Variants in GLRA1 observed in about 807,000 individuals in gnomAD.
GLRA1 encodes glycine receptor alpha 1.
A neutral mutation model predicts 48.3 loss-of-function variants in GLRA1; 37 were observed. The ratio of observed to expected loss-of-function variants is 0.77; its 90% confidence interval spans 0.59 to 1.01. The LOEUF (loss-of-function observed/expected upper bound fraction) is 1.01, where lower values mean the gene tolerates loss of function less well. Ranked by LOEUF, GLRA1 falls within the 50% of genes least tolerant of loss-of-function variation. The pLI is 0.00. For synonymous variants in GLRA1, 196 were observed against 210.7 expected (o/e 0.93, Z 0.60); for missense variants, 427 against 571.0 (o/e 0.75, Z 2.57).
intron 4 of GLRA1, among the ~76,000 whole-genome samples, chr5:151,859,569 T>C (rs749365293): frequency 1.3e-5 from 2 of 152,228 alleles, no homozygotes; most frequent in Non-Finnish European, 2.9e-5. Context: ...TCCTTGGTTA[T>C]AATAAATCAT....
At chr5:151,862,171 G>T (rs1255444367) in intron 3 of GLRA1, among the ~76,000 whole-genome samples, 1 of 152,096 alleles carries the variant, frequency 6.6e-6, no homozygotes, top group African/African-American at 2.4e-5. Flanking sequence ...AGAAAAACAA[G>T]CAATGGGGAA....
At chr5:151,847,246 G>T (rs145761740) in intron 7 of GLRA1, among the ~76,000 whole-genome samples, 1 of 152,222 alleles carries the variant, frequency 6.6e-6, no homozygotes, top group South Asian at 2.1e-4. Flanking sequence ...CTATTGTTGA[G>T]TGAATAGAGC....
At chr5:151,880,752 T>TAAGTGA (rs1753740965) in intron 3 of GLRA1, among the ~76,000 whole-genome samples, 1 of 152,278 alleles carries the variant, frequency 6.6e-6, no homozygotes, top group African/African-American at 2.4e-5. Flanking sequence ...CTTGTATTCA[T>TAAGTGA]ATGCACACAC....
At chr5:151,905,987 C>T (rs1754465794) in intron 1 of GLRA1, among the ~76,000 whole-genome samples, 1 of 152,126 alleles carries the variant, frequency 6.6e-6, no homozygotes, top group African/African-American at 2.4e-5. Flanking sequence ...AAAGTACTTA[C>T]ATTTTGCAAG....
At chr5:151,861,913 A>C (rs926636973) in intron 3 of GLRA1, among the ~76,000 whole-genome samples, 1 of 152,234 alleles carries the variant, frequency 6.6e-6, no homozygotes, top group Admixed American at 6.5e-5. Context: ...CTTTCTTCAA[A>C]GAACTGGAAA....
intron 1 of GLRA1, among the ~76,000 whole-genome samples, chr5:151,900,903 G>A (rs1284303004): frequency 2.0e-5 from 3 of 152,156 alleles, no homozygotes; most frequent in Non-Finnish European, 2.9e-5. Context: ...CTGGCACATA[G>A]TCAGAGCTCA....
intron 3 of GLRA1, among the ~76,000 whole-genome samples, chr5:151,874,108 GTT>G (rs1753564252): frequency 6.6e-6 from 1 of 152,150 alleles, no homozygotes; most frequent in South Asian, 2.1e-4. Flanking sequence ...TATGTGAAGG[GTT>G]GTCAGTTGAT....
rs1190175196 is a variant in GLRA1 at position 151,849,152 on chromosome 5, CTTT to C, written c.912+2235_912+2237del. The C allele has an allele frequency of 8.3e-5, 11 of 132,510 alleles. 1 individual carries two copies. The highest frequency in any genetic ancestry group is 5.2e-4 in the African/African-American group (11 of 21,282). 8.2% of individuals were successfully genotyped at this position (132,510 alleles called of 1,614,324 possible). A position where few individuals can be genotyped will look rare whatever the true frequency, so the allele number is the denominator to read the frequency against. On this transcript the variant is annotated intron_variant, in intron 7 of 8. Coordinates refer to ENST00000274576, the MANE Select transcript of GLRA1 (RefSeq NM_000171.4). The stretch of plus-strand genomic sequence containing the variant: ...TCTTTCTTTCTTTCTTTCTTTCTTT[CTTT>C]TCTTTTCTTTTCTTTCTTTCTTTCT...
intron 1 of GLRA1, among the ~76,000 whole-genome samples, chr5:151,910,649 C>T (rs924833648): frequency 8.5e-5 from 13 of 152,154 alleles, no homozygotes; most frequent in Non-Finnish European, 1.3e-4. Context: ...AATCATTTTT[C>T]CCCTCAGGGT....
rs1465394950 is a variant in GLRA1 at position 151,924,755 on chromosome 5, T to G, written c.-206A>C. Reference sequence around the variant, plus strand: ...CGGACAGCGGCGGCTGCGAGGCGTTTCAGCACCACGGAGAGCGTCCAGACC... The same window carrying G: ...CGGACAGCGGCGGCTGCGAGGCGTTGCAGCACCACGGAGAGCGTCCAGACC... On this transcript the variant is annotated 5_prime_UTR_variant, in exon 1 of 9. Transcript: ENST00000274576. 1 of 642,900 alleles carries G rather than the reference T, an allele frequency of 1.6e-6. No homozygotes were observed. Among genetic ancestry groups the G allele is most frequent in the East Asian group, 2.7e-5 (1 of 36,534 alleles). 39.8% of individuals were successfully genotyped at this position (642,900 alleles called of 1,614,324 possible).
rs76436689 is a variant in GLRA1 at position 151,908,044 on chromosome 5, A to G, written c.57-15606T>C. Among the ~76,000 whole-genome samples the G allele has an allele frequency of 5.4e-3, 826 of 152,276 alleles. 9 individuals carry two copies. Among genetic ancestry groups the G allele is most frequent in the African/African-American group, 0.019 (776 of 41,560 alleles). On this transcript the variant is annotated intron_variant, in intron 1 of 8. Transcript: ENST00000274576. ...GGATGAGGAAAAGGAGGAAGAGGTG[A>G]GGAAGAGGAGGAAGGGCCGCCCTTC...
intron 7 of GLRA1, chr5:151,849,990 C>A (rs919070193): frequency 1.9e-6 from 3 of 1,599,738 alleles, no homozygotes; most frequent in Non-Finnish European, 2.6e-6. Flanking sequence ...TCGAGTACAA[C>A]CGAAAGCCTG....
chr5:151,924,406 A>G (rs961256451), intron 1 of GLRA1, 88 bp downstream of exon 1: 1 of 875,850 alleles, frequency 1.1e-6, no homozygotes, highest in Admixed American at 1.7e-5. Context: ...CCTCTTCCCC[A>G]AAATGATGGG....
intron 1 of GLRA1, among the ~76,000 whole-genome samples, chr5:151,904,332 G>C (rs1203089470): frequency 6.6e-6 from 1 of 152,146 alleles, no homozygotes; most frequent in Non-Finnish European, 1.5e-5. Flanking sequence ...ACTGCTTTCT[G>C]CTGCTTGTTG....
At chr5:151,833,036 ACC>A (rs999183364) in intron 7 of GLRA1, among the ~76,000 whole-genome samples, 5 of 152,194 alleles carry the variant, frequency 3.3e-5, no homozygotes, top group Admixed American at 3.3e-4. Flanking sequence ...AGAATTTCAT[ACC>A]CAGCCAAACT....
chr5:151,861,030 T>C (rs1753189786), intron 3 of GLRA1, among the ~76,000 whole-genome samples: 1 of 152,254 alleles, frequency 6.6e-6, no homozygotes, highest in Non-Finnish European at 1.5e-5. Context: ...TCCAGCTTTA[T>C]CCGTGTCCCT....
chr5:151,847,004 C>A (rs1752690145), intron 7 of GLRA1, among the ~76,000 whole-genome samples: 1 of 152,180 alleles, frequency 6.6e-6, no homozygotes, highest in African/African-American at 2.4e-5. Flanking sequence ...ATCTATCTAT[C>A]TATTTATCCA....
chr5:151,834,388 C>T (rs932359541), intron 7 of GLRA1, among the ~76,000 whole-genome samples: 3 of 152,064 alleles, frequency 2.0e-5, no homozygotes, highest in African/African-American at 2.4e-5. Context: ...GGGTAAATAA[C>T]GAAATTAAGG....
intron 3 of GLRA1, among the ~76,000 whole-genome samples, chr5:151,879,441 G>A (rs12518238): frequency 0.19 from 29,446 of 151,630 alleles, 3,548 homozygotes; most frequent in South Asian, 0.31. Context: ...TGCAACTTCC[G>A]CCTCCTGGGT....
Sources: gnomAD v4.1 joint callset for allele counts (sites outside exome capture counted in the v4.1 genomes callset) on GRCh38, gnomAD v4.1.1 for gene constraint, MANE v1.5 for transcripts, NCBI Gene and HGNC (gene_info 2026-07-23, HGNC 2026-07-21) for gene names.